Variants in AGBL4 observed in about 807,000 individuals in gnomAD.
The protein encoded by AGBL4 is cytosolic carboxypeptidase 6.
AGBL4 carries 58 observed loss-of-function variants against 66.4 expected under a neutral mutation model. The observed-to-expected ratio is 0.87, with a 90% CI of 0.71 to 1.09. The LOEUF (loss-of-function observed/expected upper bound fraction) is 1.09, where lower values mean the gene tolerates loss of function less well. AGBL4 is among the 50% of genes least tolerant of loss of function. The pLI, the probability that AGBL4 is intolerant of heterozygous loss-of-function variation, is 0.00. For missense variants in AGBL4, 579 were observed against 631.0 expected (o/e 0.92, Z 0.88); for synonymous variants, 234 against 222.9 (o/e 1.05, Z -0.44).
At chr1:49,382,523 AG>A (rs1231739066) in intron 3 of AGBL4, among the ~76,000 whole-genome samples, 1 of 152,142 alleles carries the variant, frequency 6.6e-6, no homozygotes, top group African/African-American at 2.4e-5. Context: ...CTCAACATAA[AG>A]GTCATATATG....
chr1:48,687,182 G>A (rs1478240575), intron 6 of AGBL4, among the ~76,000 whole-genome samples: 2 of 152,192 alleles, frequency 1.3e-5, no homozygotes, highest in Admixed American at 1.3e-4. Flanking sequence ...ATGTGGAGAA[G>A]GTGAGAGACA....
At chr1:49,675,830 C>G (rs1312298232) in intron 3 of AGBL4, among the ~76,000 whole-genome samples, 1 of 152,072 alleles carries the variant, frequency 6.6e-6, no homozygotes, top group Non-Finnish European at 1.5e-5. Context: ...ATGAGAATCA[C>G]TAATTTTGTG....
chr1:48,591,063 ACACACACCCCC>A, intron 9 of AGBL4, 78 bp from the exon 10 acceptor site: 3 of 1,259,414 alleles, frequency 2.4e-6, no homozygotes, highest in Non-Finnish European at 3.2e-6. Flanking sequence ...TACACTACAC[ACACACACCCCC>A]CACACACACC....
chr1:48,650,458 C>CTTCCTTCCTTCCTTCCTTCT (rs1488834520), intron 8 of AGBL4, among the ~76,000 whole-genome samples: 2 of 148,860 alleles, frequency 1.3e-5, no homozygotes, highest in Non-Finnish European at 3.0e-5. Flanking sequence ...TCCTTCCTTC[C>CTTCCTTCCTTCCTTCCTTCT]TTCCTTCCTT....
chr1:49,248,451 G>A (rs550547076), intron 3 of AGBL4, among the ~76,000 whole-genome samples: 1 of 152,272 alleles, frequency 6.6e-6, no homozygotes, highest in African/African-American at 2.4e-5. Flanking sequence ...CTTGTTTACA[G>A]ATGAGGGACT....
intron 4 of AGBL4, among the ~76,000 whole-genome samples, chr1:49,160,602 T>G (rs1335436143): frequency 1.3e-5 from 2 of 152,116 alleles, no homozygotes; most frequent in East Asian, 3.9e-4. Context: ...ACTGCTCTCT[T>G]TAGAGCCATC....
chr1:49,828,775 G>A (rs1387230214), intron 2 of AGBL4, among the ~76,000 whole-genome samples: 1 of 152,160 alleles, frequency 6.6e-6, no homozygotes, highest in African/African-American at 2.4e-5. Flanking sequence ...AAACTTGAGT[G>A]AAAGGAAGCA....
intron 1 of AGBL4, among the ~76,000 whole-genome samples, chr1:49,921,169 A>C (rs1034602653): frequency 3.3e-5 from 5 of 152,154 alleles, no homozygotes; most frequent in African/African-American, 1.2e-4. Context: ...CAGCACACCA[A>C]CATGGCACAT....
chr1:49,133,913 G>C (rs1645952037), intron 4 of AGBL4, among the ~76,000 whole-genome samples: 1 of 151,948 alleles, frequency 6.6e-6, no homozygotes. Flanking sequence ...ATGTATATAT[G>C]TGTATATTCT....
At chr1:48,577,006 C>T (rs982224607) in intron 11 of AGBL4, among the ~76,000 whole-genome samples, 15 of 152,224 alleles carry the variant, frequency 9.9e-5, no homozygotes, top group African/African-American at 3.6e-4. Context: ...AATGACTCAA[C>T]ATCTTTGTTC....
chr1:48,907,076 G>A lies in AGBL4; in HGVS notation c.595-39846C>T, dbSNP rs556744923. Among the ~76,000 whole-genome samples the A allele has an allele frequency of 3.9e-4, 60 of 152,338 alleles. 1 individual carries two copies. The highest frequency in any genetic ancestry group is 1.3e-3 in the African/African-American group (56 of 41,584). ...GCTTCCCTCACTGGACAATGTGGGA[G>A]ATCTTTACACTGCCTGCTTTTTAGG... On this transcript the variant is annotated intron_variant, in intron 5 of 13. Coordinates refer to ENST00000371839, the MANE Select transcript of AGBL4 (RefSeq NM_032785.4).
intron 3 of AGBL4, among the ~76,000 whole-genome samples, chr1:49,246,538 G>T (rs899381185): frequency 6.6e-6 from 1 of 151,734 alleles, no homozygotes; most frequent in Non-Finnish European, 1.5e-5. Context: ...CGTTTATAGC[G>T]CCATAAGTAC....
intron 3 of AGBL4, among the ~76,000 whole-genome samples, chr1:49,570,341 T>A (rs1023589821): frequency 6.6e-6 from 1 of 152,166 alleles, no homozygotes; most frequent in Admixed American, 6.5e-5. Context: ...ATGTTCAGCA[T>A]GCTAAAATTG....
chr1:49,849,727 T>C (rs560708629), intron 2 of AGBL4, among the ~76,000 whole-genome samples: 4 of 152,118 alleles, frequency 2.6e-5, no homozygotes, highest in East Asian at 1.9e-4. Flanking sequence ...GGTGATTACA[T>C]GGTAAGATTG....
intron 1 of AGBL4, among the ~76,000 whole-genome samples, chr1:49,947,985 T>A (rs1335371354): frequency 3.0e-5 from 3 of 100,860 alleles, no homozygotes; most frequent in African/African-American, 1.3e-4. Context: ...TATAAATATA[T>A]ATTTATATAT....
intron 6 of AGBL4, among the ~76,000 whole-genome samples, chr1:48,781,782 C>T (rs1393709703): frequency 6.6e-6 from 1 of 152,226 alleles, no homozygotes; most frequent in Non-Finnish European, 1.5e-5. Context: ...ACTCTCACGC[C>T]TGCCCTTCAG....
intron 5 of AGBL4, among the ~76,000 whole-genome samples, chr1:48,961,106 T>C (rs868211781): frequency 1.3e-4 from 20 of 151,358 alleles, no homozygotes; most frequent in South Asian, 4.2e-4. Flanking sequence ...TGTGTGTGTG[T>C]GCGTGTATGT....
intron 2 of AGBL4, among the ~76,000 whole-genome samples, chr1:49,720,514 G>A (rs905047404): frequency 6.6e-6 from 1 of 152,210 alleles, no homozygotes; most frequent in African/African-American, 2.4e-5. Flanking sequence ...ATTTACTAGC[G>A]ATTCCAATTT....
At chr1:49,324,735 C>T (rs972575570) in intron 3 of AGBL4, among the ~76,000 whole-genome samples, 1 of 152,172 alleles carries the variant, frequency 6.6e-6, no homozygotes, top group African/African-American at 2.4e-5. Flanking sequence ...ATATCAGCTC[C>T]AATTGGCTTC....
Sources: gnomAD v4.1 joint callset for allele counts (sites outside exome capture counted in the v4.1 genomes callset) on GRCh38, gnomAD v4.1.1 for gene constraint, MANE v1.5 for transcripts, NCBI Gene and HGNC (gene_info 2026-07-23, HGNC 2026-07-21) for gene names.